The following SEMA3C variants were observed in gnomAD, a reference collection of about 807,000 sequenced individuals.
The protein encoded by SEMA3C is semaphorin-3C.
A neutral mutation model predicts 89.4 loss-of-function variants in SEMA3C; 47 were observed. That is an observed-to-expected ratio of 0.53 (90% CI 0.42 to 0.67). The LOEUF is 0.67. SEMA3C is among the 30% of genes least tolerant of loss of function. SEMA3C has a pLI of 0.00. For missense variants in SEMA3C, 839 were observed against 929.1 expected, an observed-to-expected ratio of 0.90 and a Z score of 1.26; for synonymous variants, 310 against 320.2, an observed-to-expected ratio of 0.97 and a Z score of 0.34.
At chr7:80,772,350 T>G (rs1034946508) in intron 12 of SEMA3C, among the ~76,000 whole-genome samples, 3 of 152,200 alleles carry the variant, frequency 2.0e-5, no homozygotes, top group African/African-American at 7.2e-5. Context: ...TGAATCTACT[T>G]TTAAAAGGTA....
intron 2 of SEMA3C, among the ~76,000 whole-genome samples, chr7:80,916,217 C>T (rs1792270034): frequency 6.6e-6 from 1 of 152,172 alleles, no homozygotes; most frequent in Admixed American, 6.5e-5. Context: ...AAAGAAGAAA[C>T]ACCATTAGAA....
rs1788027360 is a variant in SEMA3C at position 80,754,957 on chromosome 7, G to GTTTTTTTTTTTGTTTTTTTTTTTT, written c.1643+3373_1643+3374insAAAAAAAAAAAACAAAAAAAAAAA. Among the ~76,000 whole-genome samples, 6 of 108,386 alleles carry GTTTTTTTTTTTGTTTTTTTTTTTT rather than the reference G, an allele frequency of 5.5e-5. 1 individual carries two copies. The highest frequency in any genetic ancestry group is 7.4e-5 in the Non-Finnish European group (4 of 53,974). The allele number at this position is 108,386 out of a possible 152,430, so 71.1% of individuals were successfully genotyped here. A position where few individuals can be genotyped will look rare whatever the true frequency, so the allele number is the denominator to read the frequency against. On this transcript the variant is annotated intron_variant, in intron 15 of 17. Transcript: ENST00000265361. ...CATGCCTGGCGAATTGTTTTTTTTT[G>GTTTTTTTTTTTGTTTTTTTTTTTT]TTTTTTTTTTTTTTGTATTTTTAGT...
intron 17 of SEMA3C, among the ~76,000 whole-genome samples, chr7:80,747,979 G>C (rs1042842948): frequency 6.6e-6 from 1 of 152,074 alleles, no homozygotes; most frequent in African/African-American, 2.4e-5. Flanking sequence ...CACTGATGCA[G>C]TATCTGTGTT....
intron 2 of SEMA3C, among the ~76,000 whole-genome samples, chr7:80,898,780 T>C (rs1451961151): frequency 6.6e-6 from 1 of 151,436 alleles, no homozygotes; most frequent in African/African-American, 2.4e-5. Flanking sequence ...TTAGCCCACA[T>C]TGTCTTATTA....
intron 17 of SEMA3C, among the ~76,000 whole-genome samples, 198 bp from the exon 18 acceptor site, chr7:80,745,505 C>A (rs532491417): frequency 6.6e-6 from 1 of 150,624 alleles, no homozygotes; most frequent in Non-Finnish European, 1.5e-5. Flanking sequence ...GATCTTGTCA[C>A]AGTCACAGGG....
chr7:80,913,524 A>G (rs546147178), intron 2 of SEMA3C, among the ~76,000 whole-genome samples: 1 of 152,252 alleles, frequency 6.6e-6, no homozygotes, highest in Non-Finnish European at 1.5e-5. Context: ...ATGCATATGC[A>G]AATGTAAATT....
At chr7:80,817,460 T>G (rs1789635149) in intron 5 of SEMA3C, among the ~76,000 whole-genome samples, 1 of 152,180 alleles carries the variant, frequency 6.6e-6, no homozygotes, top group South Asian at 2.1e-4. Context: ...AATTCAGTTT[T>G]TAAAATAATT....
chr7:80,916,045 T>C (rs898823034), intron 2 of SEMA3C, among the ~76,000 whole-genome samples: 9 of 152,194 alleles, frequency 5.9e-5, no homozygotes, highest in African/African-American at 2.4e-5. Context: ...TCAGAAGACC[T>C]TGCACCTTTT....
intron 12 of SEMA3C, among the ~76,000 whole-genome samples, chr7:80,779,810 A>G (rs1241088997): frequency 6.6e-6 from 1 of 152,158 alleles, no homozygotes; most frequent in Non-Finnish European, 1.5e-5. Flanking sequence ...ATTATATGAG[A>G]CCCCATCTCA....
chr7:80,872,990 G>C (rs1195536026), intron 2 of SEMA3C, among the ~76,000 whole-genome samples: 1 of 151,506 alleles, frequency 6.6e-6, no homozygotes, highest in African/African-American at 2.4e-5. Context: ...TGACCTTGTG[G>C]ACCCCCTGAA....
chr7:80,841,538 G>C lies in SEMA3C; in HGVS notation c.104-12793C>G, dbSNP rs149683786. ...CTGCACCTAATAAAATGCTGAACTA[G>C]GCAATGACAGAAACATCAGCATCTA... is the stretch of plus-strand genomic sequence containing the variant. On this transcript the variant is annotated intron_variant, in intron 2 of 17. Coordinates refer to ENST00000265361, the MANE Select transcript of SEMA3C (RefSeq NM_006379.5). Among the ~76,000 whole-genome samples the C allele has an allele frequency of 4.4e-3, 667 of 152,128 alleles. 7 individuals carry two copies. Among genetic ancestry groups the C allele is most frequent in the African/African-American group, 0.015 (626 of 41,518 alleles).
intron 2 of SEMA3C, among the ~76,000 whole-genome samples, chr7:80,857,986 A>G (rs1562908649): frequency 6.6e-6 from 1 of 152,126 alleles, no homozygotes; most frequent in Non-Finnish European, 1.5e-5. Context: ...TTTCCATACC[A>G]AAACTTCTAT....
chr7:80,818,292 T>C lies in SEMA3C; in HGVS notation c.447+7A>G. ...CAAAACTAAGAATGTTAAATAGTTA[T>C]ACTTACCTCTGATCTCCTCCCTCTG... On this transcript the variant is annotated splice_region_variant and intron_variant, in intron 5 of 17. Transcript: ENST00000265361. 14 of 1,595,360 alleles carry C rather than the reference T, an allele frequency of 8.8e-6. No homozygotes were observed. Among genetic ancestry groups the C allele is most frequent in the Non-Finnish European group, 1.2e-5 (14 of 1,166,546 alleles).
chr7:80,878,989 A>T (rs1404599022), intron 2 of SEMA3C, among the ~76,000 whole-genome samples: 1 of 152,202 alleles, frequency 6.6e-6, no homozygotes, highest in Non-Finnish European at 1.5e-5. Flanking sequence ...TTACACAGTA[A>T]TCAAATCGGA....
intron 12 of SEMA3C, among the ~76,000 whole-genome samples, chr7:80,775,044 G>A (rs1788516001): frequency 6.6e-6 from 1 of 151,914 alleles, no homozygotes. Flanking sequence ...AAGCCAAGAA[G>A]ATAATGGAAT....
upstream of SEMA3C, among the ~76,000 whole-genome samples, chr7:80,921,479 A>G (rs1792407802): frequency 6.6e-6 from 1 of 152,196 alleles, no homozygotes; most frequent in African/African-American, 2.4e-5. Context: ...CACACTGCTT[A>G]AAACACCTTG....
At chr7:80,790,459 T>C (rs1397237072) in intron 11 of SEMA3C, among the ~76,000 whole-genome samples, 3 of 152,142 alleles carry the variant, frequency 2.0e-5, no homozygotes. Context: ...TCATTATCCT[T>C]AGAATAAAAT....
intron 2 of SEMA3C, among the ~76,000 whole-genome samples, chr7:80,842,791 C>T (rs1426273147): frequency 2.0e-5 from 3 of 152,026 alleles, no homozygotes; most frequent in African/African-American, 4.8e-5. Flanking sequence ...TCAAACAAGC[C>T]ACATTATGCC....
rs183300170 is a variant in SEMA3C at position 80,801,250 on chromosome 7, A to T, written c.917-424T>A. 3.5e-3 allele frequency among the ~76,000 whole-genome samples: 539 copies of T among 152,182 alleles called. 4 individuals carry two copies. Among genetic ancestry groups the T allele is most frequent in the African/African-American group, 0.012 (501 of 41,540 alleles). ...ATGTTAATATATTACTGTTTTAATT[A>T]AAAAAATTACAAATCTCAATTTCTT... On this transcript the variant is annotated intron_variant, in intron 9 of 17. Transcript: ENST00000265361.
Sources: allele counts gnomAD v4.1 joint callset (sites outside exome capture counted in the v4.1 genomes callset), GRCh38; gene constraint gnomAD v4.1.1; transcripts MANE v1.5; gene names NCBI Gene and HGNC (gene_info 2026-07-23, HGNC 2026-07-21).